VWC2: variants seen among roughly 807,000 people sequenced by gnomAD.
The protein encoded by VWC2 is brorin.
Under a neutral mutation model 29.8 loss-of-function variants are expected in VWC2, and 14 were observed. The observed-to-expected ratio is 0.47, with a 90% CI of 0.31 to 0.74. The LOEUF (loss-of-function observed/expected upper bound fraction) is 0.74, where lower values mean the gene tolerates loss of function less well. Among genes scored for constraint, VWC2 ranks in the 30% least tolerant of loss-of-function variants. The pLI, the probability that VWC2 is intolerant of heterozygous loss-of-function variation, is 0.05. For synonymous variants in VWC2, 213 were observed against 199.0 expected (o/e 1.07, Z -0.59); for missense variants, 457 against 459.8 (o/e 0.99, Z 0.05).
intron 3 of VWC2, among the ~76,000 whole-genome samples, chr7:49,878,098 C>G (rs1279143752): frequency 6.6e-6 from 1 of 152,074 alleles, no homozygotes; most frequent in East Asian, 1.9e-4. Flanking sequence ...AGTCTGTCCC[C>G]TTGACGTAAA....
rs769242091 is a variant in VWC2 at position 49,916,232 on chromosome 7, ACTC to A, written c.*4051_*4053del. The A allele has an allele frequency of 1.3e-5, 2 of 151,964 alleles. No homozygotes were observed. The highest frequency in any genetic ancestry group is 2.9e-5 in the Non-Finnish European group (2 of 68,006). 9.4% of individuals were successfully genotyped at this position (151,964 alleles called of 1,614,324 possible). ...CAATCACACACAAAATAACATCCAA[ACTC>A]CTCAACATGGAAGACTGGTGTCTTC... On this transcript the variant is annotated 3_prime_UTR_variant, in exon 4 of 4. Coordinates refer to ENST00000340652, the MANE Select transcript of VWC2 (RefSeq NM_198570.5).
At chr7:49,865,243 T>G (rs1790828928) in intron 3 of VWC2, among the ~76,000 whole-genome samples, 1 of 152,158 alleles carries the variant, frequency 6.6e-6, no homozygotes, top group Non-Finnish European at 1.5e-5. Flanking sequence ...AAAAGCTTCT[T>G]GAGGAACAGT....
In VWC2 at chr7:49,915,223, G is replaced by A. The variant is rs1366827871; in HGVS notation, c.*3038G>A. 2 of 152,184 alleles carry A rather than the reference G, an allele frequency of 1.3e-5. No individual in the cohort carries two copies. The highest frequency in any genetic ancestry group is 3.9e-4 in the East Asian group (2 of 5,188). 9.4% of individuals were successfully genotyped at this position (152,184 alleles called of 1,614,324 possible). A position where few individuals can be genotyped will look rare whatever the true frequency, so the allele number is the denominator to read the frequency against. Reference sequence around the variant, plus strand: ...ACTTGTATTTCATCCCTGCATGCAAGAAGTATTAGATGCACTCCAGTCCAG... The same window carrying A: ...ACTTGTATTTCATCCCTGCATGCAAAAAGTATTAGATGCACTCCAGTCCAG... On this transcript the variant is annotated 3_prime_UTR_variant, in exon 4 of 4. Coordinates refer to ENST00000340652, the MANE Select transcript of VWC2 (RefSeq NM_198570.5).
chr7:49,778,667 T>C (rs1004719870), intron 2 of VWC2, among the ~76,000 whole-genome samples: 1 of 152,210 alleles, frequency 6.6e-6, no homozygotes, highest in African/African-American at 2.4e-5. Flanking sequence ...GAATGTAGAA[T>C]GGTATAGGGT....
At chr7:49,890,733 A>AC (rs1032937967) in intron 3 of VWC2, among the ~76,000 whole-genome samples, 6 of 9,694 alleles carry the variant, frequency 6.2e-4, no homozygotes, top group African/African-American at 2.9e-3. Flanking sequence ...AGCAAAACAA[A>AC]AAAAAAAAAA....
intron 2 of VWC2, among the ~76,000 whole-genome samples, chr7:49,787,504 A>G (rs1048188627): frequency 2.6e-5 from 4 of 152,192 alleles, no homozygotes; most frequent in Non-Finnish European, 4.4e-5. Context: ...ATTGTTGACA[A>G]CTATGCTCTG....
chr7:49,836,638 CAATAAATAAATAAATA>C (rs3062195), intron 3 of VWC2, among the ~76,000 whole-genome samples: 14,587 of 145,362 alleles, frequency 0.1, 1,114 homozygotes, highest in Admixed American at 0.26. Flanking sequence ...GACTCCATCT[CAATAAATAAATAAATA>C]AATAAATAAA....
chr7:49,793,491 C>A (rs192426659), intron 2 of VWC2, among the ~76,000 whole-genome samples: 6 of 152,244 alleles, frequency 3.9e-5, no homozygotes, highest in Admixed American at 3.9e-4. Context: ...ATTCATGAGC[C>A]TGTATCTGTA....
rs192842244 is a variant in VWC2 at position 49,796,804 on chromosome 7, T to C, written c.697-5907T>C. On this transcript the variant is annotated intron_variant, in intron 2 of 3. Coordinates refer to ENST00000340652, the MANE Select transcript of VWC2 (RefSeq NM_198570.5). ...AGATGGATGCCTAATTGGACTTAAGTTTACTAACATAAAATATATGTAGTG... is the reference window on the plus strand; with the variant it reads ...AGATGGATGCCTAATTGGACTTAAGCTTACTAACATAAAATATATGTAGTG... Among the ~76,000 whole-genome samples the C allele has an allele frequency of 3.3e-4, 51 of 152,314 alleles. No homozygotes were observed. The East Asian group carries it at 9.6e-3, about 29-fold the overall frequency.
intron 3 of VWC2, among the ~76,000 whole-genome samples, chr7:49,850,983 C>A (rs1332193357): frequency 6.6e-6 from 1 of 152,158 alleles, no homozygotes; most frequent in East Asian, 1.9e-4. Flanking sequence ...ACCTGAGTGG[C>A]TTTAAGGAAT....
chr7:49,854,112 C>T, intron 3 of VWC2, among the ~76,000 whole-genome samples: 1 of 152,054 alleles, frequency 6.6e-6, no homozygotes, highest in African/African-American at 2.4e-5. Context: ...TCCAGTCTAT[C>T]ATTGATGGAC....
At chr7:49,850,790 A>C (rs1381869160) in intron 3 of VWC2, among the ~76,000 whole-genome samples, 1 of 152,214 alleles carries the variant, frequency 6.6e-6, no homozygotes, top group Non-Finnish European at 1.5e-5. Context: ...TCATGGGTAC[A>C]GTGAGCTCCG....
Position 49,775,838 on chromosome 7 carries a change from C to T in VWC2, c.403C>T (p.Leu135Phe). 1 of 1,549,622 alleles carries T rather than the reference C, an allele frequency of 6.5e-7. No individual in the cohort carries two copies. The highest frequency in any genetic ancestry group is 2.4e-5 in the East Asian group (1 of 41,192). ...AAAQDAIGPE[L>F]APTPEPPEEY... ...CGCCCAGGACGCGATTGGCCCGGAA[C>T]TCGCGCCCACGCCCGAGCCACCCGA... The change falls in exon 2 of 4, where the codon CTC becomes TTC. Residue 135 changes from leucine (L) to phenylalanine (F), a missense_variant. Coordinates refer to ENST00000340652, the MANE Select transcript of VWC2 (RefSeq NM_198570.5).
chr7:49,922,130 T>C (rs574970407), downstream of VWC2, among the ~76,000 whole-genome samples: 2 of 152,214 alleles, frequency 1.3e-5, no homozygotes, highest in Non-Finnish European at 2.9e-5. Flanking sequence ...ATGTAACTTT[T>C]ATTTCTCTTA....
intron 3 of VWC2, among the ~76,000 whole-genome samples, chr7:49,838,447 T>C (rs1171515529): frequency 2.0e-5 from 3 of 152,008 alleles, no homozygotes; most frequent in Non-Finnish European, 4.4e-5. Context: ...ACAGTAGGAT[T>C]GAAGCAGACT....
chr7:49,872,935 A>T (rs1791237272), intron 3 of VWC2, among the ~76,000 whole-genome samples: 1 of 149,294 alleles, frequency 6.7e-6, no homozygotes, highest in South Asian at 2.1e-4. Context: ...AAAAAAAAAA[A>T]AAGAAAGAAA....
intron 3 of VWC2, among the ~76,000 whole-genome samples, chr7:49,866,688 G>A (rs1478629470): frequency 6.6e-6 from 1 of 152,226 alleles, no homozygotes; most frequent in East Asian, 1.9e-4. Context: ...GGATTGTGGT[G>A]CATTACTAGA....
At chr7:49,903,338 A>G (rs1350767996) in intron 3 of VWC2, among the ~76,000 whole-genome samples, 1 of 152,196 alleles carries the variant, frequency 6.6e-6, no homozygotes, top group African/African-American at 2.4e-5. Flanking sequence ...GAAAAAAACA[A>G]AATGCCACTC....
At chr7:49,788,532 AGT>A (rs1294822840) in intron 2 of VWC2, among the ~76,000 whole-genome samples, 13 of 143,102 alleles carry the variant, frequency 9.1e-5, no homozygotes, top group Admixed American at 7.5e-4. Context: ...GGTGTGAGAC[AGT>A]GTGAGTGTAT....
Sources: allele counts gnomAD v4.1 joint callset (sites outside exome capture counted in the v4.1 genomes callset), GRCh38; gene constraint gnomAD v4.1.1; transcripts MANE v1.5; gene names NCBI Gene and HGNC (gene_info 2026-07-23, HGNC 2026-07-21).